Variants in MYH1 observed in about 807,000 individuals in gnomAD.
MYH1 encodes myosin heavy chain 1, also known as myosin-1.
Under a neutral mutation model 225.6 loss-of-function variants are expected in MYH1, and 214 were observed. The ratio of observed to expected loss-of-function variants is 0.95; its 90% CI spans 0.85 to 1.06. The LOEUF is 1.06. Among genes scored for constraint, MYH1 ranks in the 50% least tolerant of loss-of-function variants. The probability of loss-of-function intolerance (pLI) is 0.00; values close to 1 mark genes in which losing one functional copy is unlikely to be tolerated. For missense variants in MYH1, 2,098 were observed against 2,344.2 expected (o/e 0.89, Z 2.17); for synonymous variants, 774 against 842.3 (o/e 0.92, Z 1.40).
Position 10,512,550 on chromosome 17 carries a change from C to T in MYH1, c.1009-4G>A, listed in dbSNP as rs1273992749. On this transcript the variant is annotated splice_region_variant and splice_polypyrimidine_tract_variant and intron_variant, in intron 11 of 39. Coordinates refer to ENST00000226207, the MANE Select transcript of MYH1 (RefSeq NM_005963.4). ...AGCCCAGAATTTCAATGGCACTCTA[C>T]CATGAGAGATGAGAAGACAAAGATT... 4 of 1,614,028 alleles carry T rather than the reference C, an allele frequency of 2.5e-6. No homozygotes were observed. Among genetic ancestry groups the T allele is most frequent in the Non-Finnish European group, 3.4e-6 (4 of 1,179,956 alleles).
intron 17 of MYH1, among the ~76,000 whole-genome samples, chr17:10,506,321 T>C (rs1248080628): frequency 6.6e-6 from 1 of 152,216 alleles, no homozygotes; most frequent in Non-Finnish European, 1.5e-5. Context: ...GCTGTTGAAG[T>C]GACTGTTCGC....
Position 10,509,562 on chromosome 17 carries a change from ACTC to A in MYH1, c.1507_1509del (p.Glu503del). On this transcript the variant is annotated inframe_deletion, in exon 15 of 40. Coordinates refer to ENST00000226207, the MANE Select transcript of MYH1 (RefSeq NM_005963.4). ...GTCCACTCAATGCCTTCCTTCTTGT[ACTC>A]CTCCTGCTCCAGCACGAACATGTGG... The A allele has an allele frequency of 1.2e-6, 2 of 1,613,940 alleles. No homozygotes were observed. Among genetic ancestry groups the A allele is most frequent in the Non-Finnish European group, 1.7e-6 (2 of 1,179,992 alleles).
chr17:10,502,088 G>T (rs2073064168), intron 24 of MYH1, among the ~76,000 whole-genome samples, 177 bp from the exon 25 acceptor site: 1 of 152,152 alleles, frequency 6.6e-6, no homozygotes, highest in African/African-American at 2.4e-5. Flanking sequence ...TCGTTTAAAA[G>T]GTAAAATGTG....
rs772510600 is a variant in MYH1 at position 10,498,827 on chromosome 17, G to A, written c.3985-5C>T. The A allele has an allele frequency of 1.2e-6, 2 of 1,614,040 alleles. No individual in the cohort carries two copies. Among genetic ancestry groups the A allele is most frequent in the Non-Finnish European group, 8.5e-7 (1 of 1,179,974 alleles). Reference sequence around the variant, plus strand: ...ATGTGCCAGGGCACTCTTGGCCTGAGAACATAGAGATTGATGACTTAATTT... The same window carrying A: ...ATGTGCCAGGGCACTCTTGGCCTGAAAACATAGAGATTGATGACTTAATTT... On this transcript the variant is annotated splice_region_variant and splice_polypyrimidine_tract_variant and intron_variant, in intron 29 of 39. Coordinates refer to ENST00000226207, the MANE Select transcript of MYH1 (RefSeq NM_005963.4).
In MYH1 at chr17:10,512,738, A is replaced by T. The variant is rs200210988; in HGVS notation, c.951T>A (p.Ser317Arg). 2.5e-6 allele frequency: 4 copies of T among 1,613,952 alleles called. No individual in the cohort carries two copies. In the South Asian group the frequency reaches 4.4e-5, roughly 18 times the overall value. ...TGCTGGGCACTGTGATCTCCCCTTGACTGACGAAGGCATAATCGTATGGGT... is the reference window on the plus strand; with the variant it reads ...TGCTGGGCACTGTGATCTCCCCTTGTCTGACGAAGGCATAATCGTATGGGT... Reference protein sequence around the residue: ...TTNPYDYAFVSQGEITVPSID... With the variant: ...TTNPYDYAFVRQGEITVPSID... Residue 317 changes from serine (S) to arginine (R), a missense_variant, in exon 11 of 40, where the codon AGT becomes AGA. Physicochemically the swap from Ser to Arg is moderately radical, Grantham distance 110. Coordinates refer to ENST00000226207, the MANE Select transcript of MYH1 (RefSeq NM_005963.4).
In MYH1 at chr17:10,512,112, C is replaced by T. The variant is rs746052766; in HGVS notation, c.1228G>A (p.Gly410Ser). 8.7e-6 allele frequency: 14 copies of T among 1,614,042 alleles called. No homozygotes were observed. The highest frequency in any genetic ancestry group is 6.7e-5 in the Admixed American group (4 of 60,012). The change falls in exon 13 of 40, where the codon GGC (glycine) becomes AGC (serine). Residue 410 changes from glycine to serine, a missense_variant. By Grantham distance (56) the Gly-to-Ser change is moderately conservative. Coordinates refer to ENST00000226207, the MANE Select transcript of MYH1 (RefSeq NM_005963.4). Reference protein sequence around the residue: ...KALCYPRVKVGNEYVTKGQTV... With the variant: ...KALCYPRVKVSNEYVTKGQTV... ...TGACCTTTGGTGACATACTCATTGCCGACCTTGACCCTAGGGTAGCAGAGG... is the reference window on the plus strand; with the variant it reads ...TGACCTTTGGTGACATACTCATTGCTGACCTTGACCCTAGGGTAGCAGAGG...
chr17:10,511,720 T>G (rs2073171237), intron 14 of MYH1, 119 bp downstream of exon 14: 1 of 1,506,428 alleles, frequency 6.6e-7, no homozygotes, highest in East Asian at 2.3e-5. Flanking sequence ...TCAGTTAAGT[T>G]TAAAGTGCAG....
chr17:10,494,519 T>C, intron 38 of MYH1, 50 bp downstream of exon 38: 1 of 1,611,250 alleles, frequency 6.2e-7, no homozygotes, highest in Non-Finnish European at 8.5e-7. Context: ...CATATGACTT[T>C]TAATCCCATG....
In MYH1 at chr17:10,505,936, G is replaced by A. The variant is rs778044884; in HGVS notation, c.2057-7C>T. The A allele has an allele frequency of 1.2e-6, 2 of 1,614,142 alleles. No individual in the cohort carries two copies. Among genetic ancestry groups the A allele is most frequent in the Non-Finnish European group, 1.7e-6 (2 of 1,180,024 alleles). ...AGCTCATGCTCCATGGCACCTAAAA[G>A]AATGAATCCACATGCCATACTTCGT... On this transcript the variant is annotated splice_polypyrimidine_tract_variant and splice_region_variant and intron_variant, in intron 18 of 39. Coordinates refer to ENST00000226207, the MANE Select transcript of MYH1 (RefSeq NM_005963.4).
intron 1 of MYH1, 105 bp from the exon 2 acceptor site, chr17:10,518,375 C>T (rs1003369324): frequency 6.6e-6 from 1 of 152,214 alleles, no homozygotes; most frequent in African/African-American, 2.4e-5. Context: ...ACTACAACAT[C>T]TAATTAAAAT....
chr17:10,512,474 GC>G lies in MYH1; in HGVS notation c.1080del (p.Met360IlefsTer6), dbSNP rs2073180848. 6.2e-7 allele frequency: 1 copy of G among 1,614,056 alleles called. No homozygotes were observed. The highest frequency in any genetic ancestry group is 2.2e-5 in the East Asian group (1 of 44,874). ...TGCTTGAATTTCATGTTCCCATAAT[GC>G]ATCACAGCCCCTGTGAGCTTATAGA... ...VSIYKLTGAVMHYGNMKFKQK... is the reference protein window; with the variant it reads ...VSIYKLTGAVXHYGNMKFKQK... On this transcript the variant is annotated frameshift_variant, in exon 12 of 40. Transcript: ENST00000226207. LOFTEE classifies it high-confidence loss of function.
At chr17:10,513,219 T>A (rs370906189) in intron 9 of MYH1, among the ~76,000 whole-genome samples, 8 of 152,274 alleles carry the variant, frequency 5.3e-5, no homozygotes, top group African/African-American at 1.7e-4. Context: ...GGAATATAAT[T>A]GAGTCCTGAG....
Position 10,501,221 on chromosome 17 carries a change from C to T in MYH1, c.3627G>A (p.Glu1209=). 1.2e-6 allele frequency: 2 copies of T among 1,614,190 alleles called. No homozygotes were observed. Among genetic ancestry groups the T allele is most frequent in the Non-Finnish European group, 1.7e-6 (2 of 1,180,032 alleles). Residue 1209 remains glutamate (E), a synonymous_variant, in exon 27 of 40, where the codon GAG becomes GAA. Transcript: ENST00000226207. ...KHADSVAELG[E]QIDNLQRVKQ... The stretch of plus-strand genomic sequence containing the variant: ...TCACTCGCTGCAGGTTGTCAATCTG[C>T]TCCCCAAGCTCGGCCACACTATCTG...
At position 10,512,201 on chromosome 17, in the gene MYH1, A is replaced by G; in HGVS notation, c.1148-9T>C. 6.2e-7 allele frequency: 1 copy of G among 1,611,262 alleles called. No individual in the cohort carries two copies. The highest frequency in any genetic ancestry group is 8.5e-7 in the Non-Finnish European group (1 of 1,177,404). ...GGCTGCCTTGTCAGCAACTGCAGAA[A>G]CATAATTCAGATACCTAATATGACT... is the stretch of plus-strand genomic sequence containing the variant. On this transcript the variant is annotated splice_polypyrimidine_tract_variant and intron_variant, in intron 12 of 39. Coordinates refer to ENST00000226207, the MANE Select transcript of MYH1 (RefSeq NM_005963.4).
chr17:10,505,485 A>G lies in MYH1; in HGVS notation c.2201T>C (p.Ile734Thr). The change falls in exon 20 of 40, where the codon ATC becomes ACC. Residue 734 changes from isoleucine (I) to threonine (T), a missense_variant. Transcript: ENST00000226207. ...QRYKVLNASA[I>T]PEGQFIDSKK... ...GCTATCGATGAATTGTCCTTCAGGG[A>G]TAGCACTTGCATTTAACACCTTGTA... 6.2e-7 allele frequency: 1 copy of G among 1,614,236 alleles called. No homozygotes were observed. Among genetic ancestry groups the G allele is most frequent in the Non-Finnish European group, 8.5e-7 (1 of 1,180,026 alleles).
At chr17:10,507,429 T>C (rs1410647171) in intron 17 of MYH1, among the ~76,000 whole-genome samples, 1 of 152,168 alleles carries the variant, frequency 6.6e-6, no homozygotes, top group East Asian at 1.9e-4. Flanking sequence ...TGACTCAGGC[T>C]CCAATTCCCA....
In MYH1 at chr17:10,501,326, C is replaced by G. The variant is rs1231704667; in HGVS notation, c.3522G>C (p.Glu1174Asp). Residue 1174 changes from glutamate (E) to aspartate (D), a missense_variant, in exon 27 of 40, where the codon GAG becomes GAC. Physicochemically the swap from Glu to Asp is conservative, Grantham distance 45 (BLOSUM62 2). Coordinates refer to ENST00000226207, the MANE Select transcript of MYH1 (RefSeq NM_005963.4). ...QIEMNKKREA[E>D]FQKMRRDLEE... Reference sequence around the variant, plus strand: ...CCAGGTCCCTGCGCATTTTCTGGAACTCAGCCTCCCGCTTCTTGTTCATCT... The same window carrying G: ...CCAGGTCCCTGCGCATTTTCTGGAAGTCAGCCTCCCGCTTCTTGTTCATCT... 5.6e-6 allele frequency: 9 copies of G among 1,614,200 alleles called. No homozygotes were observed. Among genetic ancestry groups the G allele is most frequent in the Non-Finnish European group, 7.6e-6 (9 of 1,180,044 alleles).
In MYH1 at chr17:10,507,931, A is replaced by C. The variant is rs1597440504; in HGVS notation, c.1923T>G (p.Gly641=). The change falls in exon 17 of 40, where the codon GGT becomes GGG. Residue 641 remains glycine (G), a synonymous_variant. Coordinates refer to ENST00000226207, the MANE Select transcript of MYH1 (RefSeq NM_005963.4). ...EAEAGGGKKG[G]KKKGSSFQTV... ...TCTGGAAAGAAGAACCCTTCTTCTTACCACCTTTCTTTCCACCGCCAGCCT... is the reference window on the plus strand; with the variant it reads ...TCTGGAAAGAAGAACCCTTCTTCTTCCCACCTTTCTTTCCACCGCCAGCCT... 1 of 1,613,796 alleles carries C rather than the reference A, an allele frequency of 6.2e-7. No individual in the cohort carries two copies. The highest frequency in any genetic ancestry group is 8.5e-7 in the Non-Finnish European group (1 of 1,179,770).
At chr17:10,508,144 G>A (rs374231825) in intron 16 of MYH1, among the ~76,000 whole-genome samples, 188 bp from the exon 17 acceptor site, 1 of 151,262 alleles carries the variant, frequency 6.6e-6, no homozygotes, top group African/African-American at 2.4e-5. Flanking sequence ...TCAGCCTCCC[G>A]AGTAGCTGGG....
Sources: allele counts gnomAD v4.1 joint callset (sites outside exome capture counted in the v4.1 genomes callset), GRCh38; gene constraint gnomAD v4.1.1; transcripts MANE v1.5; gene names NCBI Gene and HGNC (gene_info 2026-07-23, HGNC 2026-07-21).